CTNNA2: variants seen among roughly 807,000 people sequenced by gnomAD.
CTNNA2 encodes the protein catenin alpha-2.
In CTNNA2, 42 loss-of-function variants were observed where a neutral mutation model predicts 101.0. The observed-to-expected ratio is 0.42, with a 90% CI of 0.32 to 0.54. The LOEUF (loss-of-function observed/expected upper bound fraction) is 0.54. Ranked by LOEUF, CTNNA2 falls within the 20% of genes least tolerant of loss-of-function variation. The pLI is 0.14. For synonymous variants in CTNNA2, 450 were observed against 456.4 expected (o/e 0.99, Z 0.18); for missense variants, 871 against 1,223.1 (o/e 0.71, Z 4.29).
At chr2:79,223,661 C>T (rs964557232) in intron 2 of CTNNA2, among the ~76,000 whole-genome samples, 1 of 152,162 alleles carries the variant, frequency 6.6e-6, no homozygotes, top group Non-Finnish European at 1.5e-5. Flanking sequence ...TTTTCTATTT[C>T]CATTCTCCTA....
At chr2:79,719,973 A>G (rs1686371628) in intron 2 of CTNNA2, among the ~76,000 whole-genome samples, 1 of 152,112 alleles carries the variant, frequency 6.6e-6, no homozygotes, top group African/African-American at 2.4e-5. Context: ...TGCCAAGGCC[A>G]ATGTTGAGAA....
chr2:79,934,492 A>C (rs940664606), intron 7 of CTNNA2, among the ~76,000 whole-genome samples: 2 of 152,270 alleles, frequency 1.3e-5, no homozygotes, highest in Admixed American at 1.3e-4. Context: ...GATTGGGGTC[A>C]GAAGAGCTAC....
chr2:79,736,162 T>G (rs940703658), intron 2 of CTNNA2, among the ~76,000 whole-genome samples: 1 of 152,182 alleles, frequency 6.6e-6, no homozygotes, highest in Non-Finnish European at 1.5e-5. Flanking sequence ...TTTGTATAAC[T>G]TTGTTGGTCT....
At chr2:80,476,527 A>G (rs969039419) in intron 9 of CTNNA2, among the ~76,000 whole-genome samples, 3 of 152,168 alleles carry the variant, frequency 2.0e-5, no homozygotes, top group Admixed American at 6.5e-5. Flanking sequence ...TTCCCAGGCA[A>G]TTGTTTTACA....
chr2:79,218,972 C>G (rs1674305096), intron 2 of CTNNA2, among the ~76,000 whole-genome samples: 1 of 152,060 alleles, frequency 6.6e-6, no homozygotes, highest in Non-Finnish European at 1.5e-5. Flanking sequence ...CATAGTTAAT[C>G]TCTGGTAATA....
chr2:79,467,285 A>G (rs1670947644), intron 4 of CTNNA2, among the ~76,000 whole-genome samples: 1 of 152,234 alleles, frequency 6.6e-6, no homozygotes, highest in Non-Finnish European at 1.5e-5. Context: ...CAGTGACTGA[A>G]GATCAAATGA....
At chr2:79,869,442 C>G (rs1035530371) in intron 4 of CTNNA2, among the ~76,000 whole-genome samples, 1 of 152,134 alleles carries the variant, frequency 6.6e-6, no homozygotes. Context: ...GTTTGTAAAC[C>G]ATTTTCTCTT....
intron 4 of CTNNA2, among the ~76,000 whole-genome samples, chr2:79,410,148 T>A (rs1422068084): frequency 6.8e-6 from 1 of 147,936 alleles, no homozygotes; most frequent in Admixed American, 6.8e-5. Context: ...TGTACATTGA[T>A]TTTGTATCCT....
chr2:80,270,220 C>A (rs1673353959), intron 7 of CTNNA2, among the ~76,000 whole-genome samples: 1 of 152,158 alleles, frequency 6.6e-6, no homozygotes, highest in Non-Finnish European at 1.5e-5. Flanking sequence ...CTGTGGGTAC[C>A]TGAGTTTGTG....
chr2:79,408,699 C>T (rs10174909), intron 4 of CTNNA2, among the ~76,000 whole-genome samples: 98,451 of 151,498 alleles, frequency 0.65, 32,162 homozygotes, highest in Middle Eastern at 0.76. Context: ...CAGTCTATCA[C>T]TGTTGGACAT....
At chr2:79,459,395 ATT>A (rs201829130) in intron 4 of CTNNA2, among the ~76,000 whole-genome samples, 1 of 149,040 alleles carries the variant, frequency 6.7e-6, no homozygotes, top group Non-Finnish European at 1.5e-5. Flanking sequence ...AGTAAAAAGG[ATT>A]TTTTTTTTTC....
chr2:79,591,904 A>C (rs1676875015), intron 1 of CTNNA2, among the ~76,000 whole-genome samples: 1 of 85,930 alleles, frequency 1.2e-5, no homozygotes, highest in African/African-American at 4.1e-5. Context: ...CTTTTGAAAA[A>C]AAAATTTTTT....
chr2:79,195,890 G>T (rs1410526604), intron 1 of CTNNA2: 7 of 492,060 alleles, frequency 1.4e-5, no homozygotes, highest in Non-Finnish European at 2.8e-5. Flanking sequence ...AAATTAGGGG[G>T]CAGAGGTGCA....
intron 3 of CTNNA2, among the ~76,000 whole-genome samples, chr2:79,829,366 C>CACACACAA (rs2105415991): frequency 3.7e-5 from 1 of 27,330 alleles, no homozygotes; most frequent in East Asian, 5.5e-4. Flanking sequence ...AAACTACACA[C>CACACACAA]ACACACACAC....
At chr2:80,604,579 A>T (rs1697842032) in intron 16 of CTNNA2, among the ~76,000 whole-genome samples, 1 of 152,024 alleles carries the variant, frequency 6.6e-6, no homozygotes, top group Non-Finnish European at 1.5e-5. Flanking sequence ...TTCCTACCTA[A>T]TGCCCTCTTT....
intron 3 of CTNNA2, among the ~76,000 whole-genome samples, chr2:79,773,412 A>G (rs1049335779): frequency 2.0e-5 from 3 of 152,200 alleles, no homozygotes; most frequent in African/African-American, 4.8e-5. Flanking sequence ...ACATCAATCA[A>G]TATATGTCTC....
At chr2:80,604,380 C>T (rs966394785) in intron 16 of CTNNA2, among the ~76,000 whole-genome samples, 1 of 151,970 alleles carries the variant, frequency 6.6e-6, no homozygotes, top group Non-Finnish European at 1.5e-5. Context: ...GGAGAGAATG[C>T]TAAGGCTTCT....
intron 2 of CTNNA2, among the ~76,000 whole-genome samples, chr2:79,267,397 G>A (rs1675000269): frequency 6.6e-6 from 1 of 152,090 alleles, no homozygotes; most frequent in Admixed American, 6.5e-5. Context: ...TCACAAGGCA[G>A]CAGGGCATGA....
chr2:79,280,703 C>T (rs1396463433), intron 2 of CTNNA2, among the ~76,000 whole-genome samples: 1 of 86,614 alleles, frequency 1.2e-5, no homozygotes, highest in Non-Finnish European at 2.5e-5. Context: ...GAGAGAGAGA[C>T]CTATAGCTCC....
Sources: allele counts gnomAD v4.1 joint callset (sites outside exome capture counted in the v4.1 genomes callset), GRCh38; gene constraint gnomAD v4.1.1; transcripts MANE v1.5; gene names NCBI Gene and HGNC (gene_info 2026-07-23, HGNC 2026-07-21).